The following AIG1 variants were observed in gnomAD, a reference collection of about 807,000 sequenced individuals.
The protein encoded by AIG1 is androgen-induced gene 1 protein.
Under a neutral mutation model 31.4 loss-of-function variants are expected in AIG1, and 23 were observed. The observed-to-expected ratio is 0.73, with a 90% CI of 0.53 to 1.04. The LOEUF (loss-of-function observed/expected upper bound fraction) is 1.04, where lower values mean the gene tolerates loss of function less well. AIG1 is among the 50% of genes least tolerant of loss of function. The pLI is 0.00. For missense variants in AIG1, 274 were observed against 295.0 expected (o/e 0.93, Z 0.52); for synonymous variants, 100 against 110.5 (o/e 0.90, Z 0.60).
chr6:143,335,107 T>C, intron 5 of AIG1: 2 of 1,436,670 alleles, frequency 1.4e-6, no homozygotes, highest in South Asian at 1.7e-5. Flanking sequence ...CAAAGACAGA[T>C]GTTTTGTGCC....
chr6:143,206,740 A>C (rs1441224198), intron 3 of AIG1, among the ~76,000 whole-genome samples: 1 of 152,206 alleles, frequency 6.6e-6, no homozygotes. Context: ...ACCAAATTTT[A>C]TGAGTCAGCA....
chr6:143,238,825 G>A lies in AIG1; in HGVS notation c.400-45285G>A, dbSNP rs560650325. On this transcript the variant is annotated intron_variant, in intron 3 of 5. Transcript: ENST00000357847. ...ATTTTGTCCCTAAAAGGGAAAAGTA[G>A]GGGATAAGATTGCCACTAAGAGACT... is the stretch of plus-strand genomic sequence containing the variant. 4.6e-5 allele frequency among the ~76,000 whole-genome samples: 7 copies of A among 152,344 alleles called. No individual in the cohort carries two copies. In the East Asian group the frequency reaches 1.3e-3, roughly 29 times the overall value.
At chr6:143,211,127 CTG>C (rs1298307874) in intron 3 of AIG1, among the ~76,000 whole-genome samples, 7 of 152,108 alleles carry the variant, frequency 4.6e-5, no homozygotes, top group African/African-American at 9.7e-5. Flanking sequence ...GATGGGGAAA[CTG>C]AGCCTTTGTT....
At chr6:143,218,753 T>G (rs1427627836) in intron 3 of AIG1, among the ~76,000 whole-genome samples, 1 of 152,220 alleles carries the variant, frequency 6.6e-6, no homozygotes, top group Admixed American at 6.5e-5. Flanking sequence ...GCTTCATTCA[T>G]TCTCAACATT....
At chr6:143,208,929 G>A (rs1201647704) in intron 3 of AIG1, among the ~76,000 whole-genome samples, 1 of 152,076 alleles carries the variant, frequency 6.6e-6, no homozygotes, top group Admixed American at 6.6e-5. Flanking sequence ...GAGAGGAGAT[G>A]AAGAAAGATC....
intron 3 of AIG1, among the ~76,000 whole-genome samples, chr6:143,275,534 A>G (rs899472333): frequency 1.3e-5 from 2 of 152,086 alleles, no homozygotes; most frequent in Non-Finnish European, 2.9e-5. Context: ...CCAGCTCTTC[A>G]TCCTCTTTCA....
intron 3 of AIG1, among the ~76,000 whole-genome samples, chr6:143,240,734 T>G (rs1583598160): frequency 6.6e-6 from 1 of 151,744 alleles, no homozygotes; most frequent in Non-Finnish European, 1.5e-5. Context: ...GAAAAATAAA[T>G]TTTTTAAAAA....
At chr6:143,077,687 G>A (rs1230618998) in intron 1 of AIG1, among the ~76,000 whole-genome samples, 1 of 152,162 alleles carries the variant, frequency 6.6e-6, no homozygotes, top group Non-Finnish European at 1.5e-5. Context: ...GTTTACTTTG[G>A]TAGGAGTGTG....
chr6:143,115,516 A>G (rs1204204135), intron 1 of AIG1, among the ~76,000 whole-genome samples: 1 of 152,226 alleles, frequency 6.6e-6, no homozygotes, highest in Non-Finnish European at 1.5e-5. Context: ...GTGATAAAGT[A>G]AAAGCACTGC....
chr6:143,324,883 C>A lies in AIG1; in HGVS notation c.516-8399C>A, dbSNP rs913498850. Among the ~76,000 whole-genome samples the A allele has an allele frequency of 3.9e-5, 6 of 152,304 alleles. No homozygotes were observed. The East Asian group carries it at 1.2e-3, about 29-fold the overall frequency. ...AGAGTAAAGGATGATATATCGACCT[C>A]ACTGCGCCCTCAAGGGCTCCAGTGA... On this transcript the variant is annotated intron_variant, in intron 4 of 5. Transcript: ENST00000357847.
chr6:143,324,660 G>A (rs1326532878), intron 4 of AIG1, among the ~76,000 whole-genome samples: 1 of 152,106 alleles, frequency 6.6e-6, no homozygotes, highest in Non-Finnish European at 1.5e-5. Context: ...TCTCCAAAGA[G>A]CTGCTCATAT....
intron 3 of AIG1, among the ~76,000 whole-genome samples, chr6:143,269,048 C>T (rs980609647): frequency 5.3e-5 from 8 of 150,490 alleles, no homozygotes; most frequent in African/African-American, 1.7e-4. Context: ...AGGGTGGGCT[C>T]AGGCCCTTGT....
intron 1 of AIG1, among the ~76,000 whole-genome samples, chr6:143,126,084 G>A (rs1402547840): frequency 6.6e-6 from 1 of 152,194 alleles, no homozygotes; most frequent in African/African-American, 2.4e-5. Context: ...ATGTCACTTA[G>A]ATGACAGATT....
intron 5 of AIG1, chr6:143,335,530 C>CA (rs35780151): frequency 0.044 from 4,837 of 109,988 alleles, 154 homozygotes; most frequent in African/African-American, 0.075. Context: ...GACTCCATCT[C>CA]AAAAAAAAAA....
intron 2 of AIG1, among the ~76,000 whole-genome samples, chr6:143,161,910 A>C (rs1377869645): frequency 2.0e-5 from 3 of 152,184 alleles, no homozygotes; most frequent in African/African-American, 7.2e-5. Context: ...CTCACTCTCC[A>C]TCACTTCTAT....
At chr6:143,151,906 T>TG (rs1339861450) in intron 2 of AIG1, among the ~76,000 whole-genome samples, 1 of 152,218 alleles carries the variant, frequency 6.6e-6, no homozygotes, top group African/African-American at 2.4e-5. Context: ...CAGTAGGGAT[T>TG]GACTGGCTTG....
intron 4 of AIG1, among the ~76,000 whole-genome samples, chr6:143,332,304 A>G (rs903437929): frequency 1.3e-5 from 2 of 152,332 alleles, no homozygotes; most frequent in Non-Finnish European, 2.9e-5. Flanking sequence ...TTTAGTCTTC[A>G]CAATTGCCAA....
intron 4 of AIG1, among the ~76,000 whole-genome samples, chr6:143,302,009 G>A (rs966890751): frequency 2.0e-5 from 3 of 152,038 alleles, no homozygotes; most frequent in African/African-American, 7.2e-5. Context: ...ACCCTCCGTT[G>A]TCTTATATTA....
intron 3 of AIG1, among the ~76,000 whole-genome samples, chr6:143,262,854 C>A (rs569665268): frequency 3.3e-5 from 5 of 152,198 alleles, no homozygotes; most frequent in South Asian, 4.2e-4. Flanking sequence ...AAATGGTGGT[C>A]AGTTTTTCAA....
Sources: gnomAD v4.1 joint callset for allele counts (sites outside exome capture counted in the v4.1 genomes callset) on GRCh38, gnomAD v4.1.1 for gene constraint, MANE v1.5 for transcripts, NCBI Gene and HGNC (gene_info 2026-07-23, HGNC 2026-07-21) for gene names.